SRPRB: variants seen among roughly 807,000 people sequenced by gnomAD.
The protein encoded by SRPRB is signal recognition particle receptor subunit beta.
In SRPRB, 20 loss-of-function variants were observed where a neutral mutation model predicts 31.9. The ratio of observed to expected loss-of-function variants is 0.63; its 90% CI spans 0.44 to 0.91. The LOEUF is 0.91. Ranked by LOEUF, SRPRB falls within the 40% of genes least tolerant of loss-of-function variation. The pLI, the probability that SRPRB is intolerant of heterozygous loss-of-function variation, is 0.00. For synonymous variants in SRPRB, 146 were observed against 132.8 expected, an observed-to-expected ratio of 1.10 and a Z score of -0.68; for missense variants, 321 against 324.9, an observed-to-expected ratio of 0.99 and a Z score of 0.09.
downstream of SRPRB, chr3:133,828,209 A>G: frequency 1.8e-6 from 1 of 567,142 alleles, no homozygotes; most frequent in Non-Finnish European, 3.1e-6. Context: ...CAAGAGTCAG[A>G]GCTACCTTTT....
intron 4 of SRPRB, among the ~76,000 whole-genome samples, chr3:133,812,201 C>G (rs1935274469): frequency 6.6e-6 from 1 of 152,150 alleles, no homozygotes; most frequent in Non-Finnish European, 1.5e-5. Flanking sequence ...CTTTAATTGG[C>G]AGCATTTTAG....
downstream of SRPRB, chr3:133,828,169 G>C (rs1935602409): frequency 8.5e-6 from 5 of 591,340 alleles, no homozygotes; most frequent in Non-Finnish European, 1.5e-5. Context: ...CTCCACACGA[G>C]GTTGACGACC....
intron 3 of SRPRB, 128 bp downstream of exon 3, chr3:133,807,951 CAT>C (rs890120880): frequency 1.5e-6 from 1 of 662,980 alleles, no homozygotes; most frequent in Non-Finnish European, 2.6e-6. Flanking sequence ...TATGGAGAAA[CAT>C]ATTCTTTGTG....
chr3:133,785,016 C>T lies in SRPRB; in HGVS notation c.-174+872C>T, dbSNP rs1299897494. 2.3e-4 allele frequency: 30 copies of T among 130,332 alleles called. 2 individuals are homozygous for T. The highest frequency in any genetic ancestry group is 7.7e-4 in the African/African-American group (29 of 37,812). The allele number at this position is 130,332 out of a possible 1,614,324, so 8.1% of individuals were successfully genotyped here. A position where few individuals can be genotyped will look rare whatever the true frequency, so the allele number is the denominator to read the frequency against. Reference sequence around the variant, plus strand: ...GAGGTGGGGGGGTCAGCCCCCCGCCCGGCCAGCCGCCCCGTCTGGGAGGTG... The same window carrying T: ...GAGGTGGGGGGGTCAGCCCCCCGCCTGGCCAGCCGCCCCGTCTGGGAGGTG... On this transcript the variant is annotated intron_variant, in intron 1 of 7. Coordinates refer to the SRPRB transcript ENST00000466490.
chr3:133,822,239 A>G (rs1022568891), downstream of SRPRB, among the ~76,000 whole-genome samples: 10 of 151,984 alleles, frequency 6.6e-5, no homozygotes, highest in Non-Finnish European at 1.2e-4. Context: ...ATGGCAGTGT[A>G]TGGACACCGA....
chr3:133,823,800 CATT>C (rs918330928), downstream of SRPRB, among the ~76,000 whole-genome samples: 85 of 152,206 alleles, frequency 5.6e-4, no homozygotes, highest in African/African-American at 1.9e-3. Context: ...TGTCAAAGGT[CATT>C]ATAGTTCACC....
chr3:133,828,522 A>T (rs1176822717), downstream of SRPRB: 9 of 479,340 alleles, frequency 1.9e-5, no homozygotes, highest in Admixed American at 7.8e-5. Flanking sequence ...AATTTTTTTT[A>T]AATTTTAACA....
chr3:133,808,574 AT>A (rs1158049141), intron 3 of SRPRB, among the ~76,000 whole-genome samples: 2 of 152,178 alleles, frequency 1.3e-5, no homozygotes, highest in Admixed American at 6.5e-5. Flanking sequence ...CTTACAGAGT[AT>A]ATATGAGTGT....
rs1935458482 is a variant in SRPRB at position 133,820,792 on chromosome 3, G to A, written c.*1026G>A. The A allele has an allele frequency of 6.6e-6, 1 of 152,182 alleles. No individual in the cohort carries two copies. Among genetic ancestry groups the A allele is most frequent in the African/African-American group, 2.4e-5 (1 of 41,430 alleles). 9.4% of individuals were successfully genotyped at this position (152,182 alleles called of 1,614,324 possible). A position where few individuals can be genotyped will look rare whatever the true frequency, so the allele number is the denominator to read the frequency against. On this transcript the variant is annotated 3_prime_UTR_variant, in exon 7 of 7. Coordinates refer to ENST00000678299, the MANE Select transcript of SRPRB (RefSeq NM_001379313.1). ...CAAAGCAATTAAATAGAATGTAATG[G>A]TGAGTACAAATGAGTGCACATGTCA...
At chr3:133,795,592 T>TTTTTG (rs1271540141) in intron 1 of SRPRB, 3 of 149,120 alleles carry the variant, frequency 2.0e-5, no homozygotes, top group African/African-American at 7.5e-5. Context: ...TTTTTTTTTT[T>TTTTTG]TGAGATGGAG....
rs1934682207 is a variant in SRPRB, at chr3:133,786,239, A to AAAAAC, written c.-174+2096_-174+2097insAAACA. ...AAATAAATTAAAAAAAAAAAAAAAA[A>AAAAAC]ACAATACTATTTTTTGAACTATCTA... On this transcript the variant is annotated intron_variant, in intron 1 of 7. Coordinates refer to the SRPRB transcript ENST00000466490. The AAAAAC allele has an allele frequency of 2.0e-5, 3 of 150,514 alleles. 1 individual carries two copies. The highest frequency in any genetic ancestry group is 4.4e-5 in the Non-Finnish European group (3 of 67,896). 9.3% of individuals were successfully genotyped at this position (150,514 alleles called of 1,614,324 possible).
downstream of SRPRB, among the ~76,000 whole-genome samples, chr3:133,823,829 T>A (rs1242405831): frequency 6.6e-6 from 1 of 152,148 alleles, no homozygotes; most frequent in African/African-American, 2.4e-5. Context: ...TTCTTGCCTT[T>A]AAATGGCTTT....
chr3:133,810,824 C>G (rs1035333921), intron 3 of SRPRB: 3 of 268,428 alleles, frequency 1.1e-5, no homozygotes, highest in African/African-American at 6.8e-5. Flanking sequence ...CTGACTCCCC[C>G]AGACAGGTTT....
chr3:133,807,706 A>G (rs1935187549), intron 2 of SRPRB, 40 bp from the exon 3 acceptor site: 1 of 1,358,812 alleles, frequency 7.4e-7, no homozygotes, highest in Admixed American at 1.7e-5. Context: ...TAGGTGTGCT[A>G]TTAAAATGTT....
chr3:133,819,706 A>AG lies in SRPRB; in HGVS notation c.760dup (p.Asp254GlyfsTer6). 1 of 1,614,108 alleles carries AG rather than the reference A, an allele frequency of 6.2e-7. No individual in the cohort carries two copies. Among genetic ancestry groups the AG allele is most frequent in the Non-Finnish European group, 8.5e-7 (1 of 1,179,988 alleles). ...TGGAGTGCAGTGCCAAGGGTGGAAGAGGGGACGTGGGCTCTGCTGACATCC... is the reference window on the plus strand; with the variant it reads ...TGGAGTGCAGTGCCAAGGGTGGAAGAGGGGGACGTGGGCTCTGCTGACATCC... On this transcript the variant is annotated frameshift_variant, in exon 7 of 7. Coordinates refer to ENST00000678299, the MANE Select transcript of SRPRB (RefSeq NM_001379313.1). LOFTEE classifies it high-confidence loss of function.
intron 6 of SRPRB, 84 bp from the exon 7 acceptor site, chr3:133,819,469 G>A: frequency 7.9e-7 from 1 of 1,258,074 alleles, no homozygotes. Context: ...AGTTTTAAAT[G>A]AGTGCTGAAA....
chr3:133,824,217 T>TAAAC (rs1046038043), downstream of SRPRB: 1 of 152,262 alleles, frequency 6.6e-6, no homozygotes, highest in African/African-American at 2.4e-5. Flanking sequence ...CTGCACCACT[T>TAAAC]AAACACAGAC....
At chr3:133,808,038 A>C (rs1935194668) in intron 3 of SRPRB, among the ~76,000 whole-genome samples, 1 of 152,212 alleles carries the variant, frequency 6.6e-6, no homozygotes, top group South Asian at 2.1e-4. Context: ...AATGTACAGT[A>C]ATGTTATATC....
intron 3 of SRPRB, chr3:133,810,228 G>A (rs1294163259): frequency 6.6e-6 from 1 of 152,194 alleles, no homozygotes; most frequent in Admixed American, 6.5e-5. Flanking sequence ...TATGTGAAAG[G>A]TAAGGTCATA....
Sources: allele counts gnomAD v4.1 joint callset (sites outside exome capture counted in the v4.1 genomes callset), GRCh38; gene constraint gnomAD v4.1.1; transcripts MANE v1.5; gene names NCBI Gene and HGNC (gene_info 2026-07-23, HGNC 2026-07-21).